SYN2: variants seen among roughly 807,000 people sequenced by gnomAD.
SYN2 encodes synapsin II.
SYN2 carries 19 observed loss-of-function variants against 50.9 expected under a neutral mutation model. The ratio of observed to expected loss-of-function variants is 0.37; its 90% CI spans 0.26 to 0.55. The LOEUF (loss-of-function observed/expected upper bound fraction) is 0.55, where lower values mean the gene tolerates loss of function less well. Among genes scored for constraint, SYN2 ranks in the 20% least tolerant of loss-of-function variants. SYN2 has a pLI of 0.81. For synonymous variants in SYN2, 255 were observed against 224.9 expected (o/e 1.13, Z -1.20); for missense variants, 587 against 576.4 (o/e 1.02, Z -0.19).
intron 1 of SYN2, among the ~76,000 whole-genome samples, chr3:12,138,238 G>A (rs1305721999): frequency 6.6e-6 from 1 of 152,200 alleles, no homozygotes; most frequent in Admixed American, 6.5e-5. Flanking sequence ...ATAAGGTTGT[G>A]GCTCAGCCAA....
At position 12,190,619 on chromosome 3, in the gene SYN2, A is replaced by T; in HGVS notation, c.1743A>T (p.Ser581=). The T allele has an allele frequency of 6.2e-7, 1 of 1,612,608 alleles. No individual in the cohort carries two copies. The highest frequency in any genetic ancestry group is 1.1e-5 in the South Asian group (1 of 90,866). ...SLRKSFASLF[S]D ...GGAAGTCCTTTGCCAGCCTCTTTTC[A>T]GATTAGCTCTTCAGACACACGGGGC... Residue 581 remains serine (S), a synonymous_variant, in exon 13 of 13, where the codon TCA becomes TCT. Coordinates refer to ENST00000621198, the MANE Select transcript of SYN2 (RefSeq NM_133625.6).
At chr3:12,098,867 A>ATATATATATATATATG (rs1696005023) in intron 1 of SYN2, among the ~76,000 whole-genome samples, 1 of 147,830 alleles carries the variant, frequency 6.8e-6, no homozygotes, top group Admixed American at 6.8e-5. Context: ...ATATATATAT[A>ATATATATATATATATG]TATATATATA....
intron 1 of SYN2, among the ~76,000 whole-genome samples, chr3:12,020,456 G>A (rs2125135296): frequency 6.6e-6 from 1 of 152,068 alleles, no homozygotes; most frequent in African/African-American, 2.4e-5. Flanking sequence ...AGTAGGGAAA[G>A]GATTTGAAGC....
intron 1 of SYN2, among the ~76,000 whole-genome samples, chr3:12,094,282 T>A (rs1320443181): frequency 6.6e-6 from 1 of 152,236 alleles, no homozygotes; most frequent in Non-Finnish European, 1.5e-5. Flanking sequence ...GATTTCGTAA[T>A]CCTAGTATCA....
At chr3:12,037,246 A>G (rs1423077703) in intron 1 of SYN2, among the ~76,000 whole-genome samples, 1 of 152,164 alleles carries the variant, frequency 6.6e-6, no homozygotes, top group Non-Finnish European at 1.5e-5. Context: ...TTAAGACTCT[A>G]TTAATGGCAG....
intron 1 of SYN2, among the ~76,000 whole-genome samples, chr3:12,115,416 T>C (rs1696410798): frequency 6.6e-6 from 1 of 152,194 alleles, no homozygotes; most frequent in South Asian, 2.1e-4. Context: ...CAGTTTTCAG[T>C]GGCTGCATAA....
intron 1 of SYN2, among the ~76,000 whole-genome samples, chr3:12,057,818 CAT>C (rs1695027908): frequency 6.6e-6 from 1 of 152,062 alleles, no homozygotes; most frequent in Admixed American, 6.5e-5. Context: ...TAAAAATAAA[CAT>C]GTAAGTAGAA....
intron 1 of SYN2, among the ~76,000 whole-genome samples, chr3:12,104,872 G>T (rs1371874584): frequency 2.0e-5 from 3 of 152,126 alleles, no homozygotes; most frequent in Non-Finnish European, 4.4e-5. Flanking sequence ...CCTGGCCCAT[G>T]TGAAACATTT....
At chr3:12,168,322 G>A in intron 8 of SYN2, 54 bp from the exon 9 acceptor site, 1 of 1,487,332 alleles carries the variant, frequency 6.7e-7, no homozygotes, top group Non-Finnish European at 9.3e-7. Context: ...TGGCAAGCAA[G>A]CTTTGTGGTG....
chr3:12,051,817 A>G (rs570339850), intron 1 of SYN2, among the ~76,000 whole-genome samples: 1 of 152,318 alleles, frequency 6.6e-6, no homozygotes, highest in Non-Finnish European at 1.5e-5. Context: ...GGCCTTGTGT[A>G]TGCCTGAGGT....
rs59227659 is a variant in SYN2 at position 12,087,969 on chromosome 3, ACTC to A, written c.378-52679_378-52677del. 4.6e-3 allele frequency among the ~76,000 whole-genome samples: 701 copies of A among 152,184 alleles called. 5 individuals carry two copies. The highest frequency in any genetic ancestry group is 0.015 in the African/African-American group (643 of 41,522). ...AAAACATAAGACCTGAAATGGTAAA[ACTC>A]CTAAAAGAAAGCATAAGAGAAAACC... is the stretch of plus-strand genomic sequence containing the variant. On this transcript the variant is annotated intron_variant, in intron 1 of 12. Coordinates refer to ENST00000621198, the MANE Select transcript of SYN2 (RefSeq NM_133625.6).
chr3:12,040,430 CTTT>C (rs34991752), intron 1 of SYN2, among the ~76,000 whole-genome samples: 40 of 109,246 alleles, frequency 3.7e-4, no homozygotes, highest in East Asian at 1.2e-3. Context: ...AGTTCTGTTT[CTTT>C]TTTTTTTTTT....
chr3:12,006,157 G>C (rs889209661), intron 1 of SYN2, among the ~76,000 whole-genome samples: 2 of 152,196 alleles, frequency 1.3e-5, no homozygotes, highest in Non-Finnish European at 2.9e-5. Flanking sequence ...GAGACCCAGA[G>C]GGAGGGAGTG....
chr3:12,058,292 A>C (rs1304438340), intron 1 of SYN2, among the ~76,000 whole-genome samples: 1 of 152,196 alleles, frequency 6.6e-6, no homozygotes, highest in Non-Finnish European at 1.5e-5. Flanking sequence ...TGATTTCTGA[A>C]TGATTCCCAG....
intron 1 of SYN2, among the ~76,000 whole-genome samples, chr3:12,119,281 G>A (rs1205209261): frequency 6.6e-6 from 1 of 151,426 alleles, no homozygotes; most frequent in Non-Finnish European, 1.5e-5. Context: ...AGTGCTGCCT[G>A]AACTATGCCT....
intron 1 of SYN2, among the ~76,000 whole-genome samples, chr3:12,016,566 AG>A (rs1161715431): frequency 6.6e-6 from 1 of 152,204 alleles, no homozygotes; most frequent in Non-Finnish European, 1.5e-5. Flanking sequence ...TTCAAAAATT[AG>A]GGATGTAGGC....
intron 1 of SYN2, among the ~76,000 whole-genome samples, chr3:12,034,903 G>C (rs891119077): frequency 6.6e-6 from 1 of 152,122 alleles, no homozygotes; most frequent in Non-Finnish European, 1.5e-5. Flanking sequence ...GTTTTAACTT[G>C]TTCCACATCA....
intron 1 of SYN2, among the ~76,000 whole-genome samples, chr3:12,095,907 T>C (rs1330034592): frequency 3.3e-5 from 5 of 152,146 alleles, no homozygotes; most frequent in African/African-American, 4.8e-5. Context: ...GAACTTCAAA[T>C]ATCTGCATGA....
chr3:12,184,905 AT>A, intron 11 of SYN2: 1 of 985,566 alleles, frequency 1.0e-6, no homozygotes, highest in Non-Finnish European at 1.2e-6. Context: ...TGCTGGCTCT[AT>A]TTTTACATTC....
Sources: allele counts gnomAD v4.1 joint callset (sites outside exome capture counted in the v4.1 genomes callset), GRCh38; gene constraint gnomAD v4.1.1; transcripts MANE v1.5; gene names NCBI Gene and HGNC (gene_info 2026-07-23, HGNC 2026-07-21).